Variants in MYT1L observed in about 807,000 individuals in gnomAD.
MYT1L encodes myelin transcription factor 1 like.
MYT1L carries 12 observed loss-of-function variants against 126.7 expected under a neutral mutation model. The observed-to-expected ratio is 0.09, with a 90% CI of 0.06 to 0.15. The LOEUF (loss-of-function observed/expected upper bound fraction) is 0.15. MYT1L is among the 10% of genes least tolerant of loss of function. The pLI is 1.00. For synonymous variants in MYT1L, 541 were observed against 604.2 expected, an observed-to-expected ratio of 0.90 and a Z score of 1.53; for missense variants, 979 against 1,585.2, an observed-to-expected ratio of 0.62 and a Z score of 6.49.
rs1415094147 is a variant in MYT1L at position 1,979,841 on chromosome 2, C to T, written c.1-64G>A. On this transcript the variant is annotated intron_variant, in intron 5 of 24. Coordinates refer to ENST00000647738, the MANE Select transcript of MYT1L (RefSeq NM_001303052.2). The surrounding 1 kb of genome is among the most constrained non-coding windows in gnomAD (Gnocchi z 4.0). ...CCTGTGCAGGCCAGCCCTGCAGGGG[C>T]GGCTCACTCTCCCTGGCATTCTATT... 2.2e-5 allele frequency: 34 copies of T among 1,549,798 alleles called. No homozygotes were observed. The highest frequency in any genetic ancestry group is 1.7e-4 in the Middle Eastern group (1 of 5,852).
rs1477790961 is a variant in MYT1L at position 2,185,634 on chromosome 2, C to G, written c.-420-12646G>C. 2.3e-3 allele frequency among the ~76,000 whole-genome samples: 256 copies of G among 113,338 alleles called. 5 individuals carry two copies. The highest frequency in any genetic ancestry group is 6.0e-3 in the Middle Eastern group (1 of 166). 74.4% of individuals were successfully genotyped at this position (113,338 alleles called of 152,430 possible). ...CGAGTCCCGCGTTCCTTCTGTGAGG[C>G]GGACGCAGCCGGGCCTCCCAGACGC... On this transcript the variant is annotated intron_variant, in intron 2 of 24. Transcript: ENST00000647738.
chr2:2,245,313 C>T (rs2149174275), intron 2 of MYT1L, among the ~76,000 whole-genome samples: 1 of 152,048 alleles, frequency 6.6e-6, no homozygotes, highest in South Asian at 2.1e-4. Context: ...GGTGCTGAGC[C>T]CTGTAGAGTC....
intron 3 of MYT1L, among the ~76,000 whole-genome samples, chr2:2,065,204 A>C (rs1308686000): frequency 6.6e-6 from 1 of 152,196 alleles, no homozygotes; most frequent in East Asian, 1.9e-4. Flanking sequence ...TTTCAAAAAA[A>C]GAAAACAAAC....
In MYT1L at chr2:1,943,192, T is replaced by C. The variant is rs922321269; in HGVS notation, c.295A>G (p.Met99Val). Residue 99 changes from methionine to valine, a missense_variant, in exon 9 of 25, where the codon ATG becomes GTG. Met to Val is a conservative substitution (Grantham distance 21, BLOSUM62 1). Transcript: ENST00000647738. The surrounding 1 kb of genome is among the most constrained non-coding windows in gnomAD (Gnocchi z 4.4). ...ECDDSDGTED[M>V]DEKEEDEGEE... ...CCCTCATCCTCCTCCTTCTCATCCA[T>C]GTCCTCAGTCCCATCACTGTCGTCA... 6 of 1,551,496 alleles carry C rather than the reference T, an allele frequency of 3.9e-6. No individual in the cohort carries two copies. The highest frequency in any genetic ancestry group is 2.4e-5 in the South Asian group (2 of 84,022).
At chr2:1,817,671 G>A (rs534122682) in intron 21 of MYT1L, among the ~76,000 whole-genome samples, 1 of 152,182 alleles carries the variant, frequency 6.6e-6, no homozygotes, top group African/African-American at 2.4e-5. Context: ...GGTGGTGGCG[G>A]CCCTGGTGCG....
intron 4 of MYT1L, among the ~76,000 whole-genome samples, chr2:2,013,771 A>T (rs1284060616): frequency 6.6e-6 from 1 of 152,244 alleles, no homozygotes; most frequent in Non-Finnish European, 1.5e-5. Context: ...GTGGGCTCCA[A>T]GAAGGGGGAC....
chr2:2,083,273 T>C (rs1470965006), intron 3 of MYT1L, among the ~76,000 whole-genome samples: 2 of 152,248 alleles, frequency 1.3e-5, no homozygotes, highest in African/African-American at 2.4e-5. Flanking sequence ...CACTCAGCTC[T>C]TGCCCTGGGT....
intron 2 of MYT1L, among the ~76,000 whole-genome samples, chr2:2,198,330 C>A (rs2092915939): frequency 6.6e-6 from 1 of 151,992 alleles, no homozygotes; most frequent in African/African-American, 2.4e-5. Flanking sequence ...GGCAAGAGGA[C>A]CGAGCTCTGG....
At chr2:2,191,595 G>A (rs918567120) in intron 2 of MYT1L, among the ~76,000 whole-genome samples, 4 of 152,180 alleles carry the variant, frequency 2.6e-5, no homozygotes, top group African/African-American at 9.7e-5. Context: ...ATGAGCCTGG[G>A]ACTGGTGTGC....
chr2:1,982,226 G>A (rs756347291), intron 5 of MYT1L, among the ~76,000 whole-genome samples: 1 of 152,166 alleles, frequency 6.6e-6, no homozygotes, highest in Admixed American at 6.6e-5. Flanking sequence ...TCACATCCAT[G>A]AGAAAGGGCA....
intron 3 of MYT1L, among the ~76,000 whole-genome samples, chr2:2,072,622 G>A (rs1460704483): frequency 3.3e-5 from 5 of 152,282 alleles, no homozygotes; most frequent in East Asian, 3.9e-4. Flanking sequence ...GTGTCCCCGC[G>A]CAAATCCGAT....
chr2:2,047,414 G>A (rs1030755113), intron 4 of MYT1L, among the ~76,000 whole-genome samples: 7 of 152,128 alleles, frequency 4.6e-5, no homozygotes, highest in East Asian at 1.9e-4. Context: ...ATACATCTGC[G>A]AATTGCTCCT....
chr2:1,910,460 G>T lies in MYT1L; in HGVS notation c.1710-113C>A. On this transcript the variant is annotated intron_variant, in intron 12 of 24. Coordinates refer to ENST00000647738, the MANE Select transcript of MYT1L (RefSeq NM_001303052.2). The surrounding 1 kb of genome is among the most constrained non-coding windows in gnomAD (Gnocchi z 4.8). ...AGGTGGAGCTGGTGAGGGAGGGGTA[G>T]TTTCCCAAACCTGGCACAGGCAGTC... 2 of 959,048 alleles carry T rather than the reference G, an allele frequency of 2.1e-6. No homozygotes were observed. Among genetic ancestry groups the T allele is most frequent in the Non-Finnish European group, 3.2e-6 (2 of 629,480 alleles). The allele number at this position is 959,048 out of a possible 1,614,324, so 59.4% of individuals were successfully genotyped here.
chr2:2,001,022 T>A (rs561990162), intron 4 of MYT1L, among the ~76,000 whole-genome samples: 1 of 152,316 alleles, frequency 6.6e-6, no homozygotes, highest in East Asian at 1.9e-4. Context: ...TTCTGGAGTT[T>A]GATGAGTTTG....
chr2:2,192,644 CTG>C (rs1488807375), intron 2 of MYT1L, among the ~76,000 whole-genome samples: 1 of 152,176 alleles, frequency 6.6e-6, no homozygotes, highest in Non-Finnish European at 1.5e-5. Context: ...TCTCTTCTTT[CTG>C]TCTCACCCAA....
At chr2:2,259,531 T>C (rs1347478966) in intron 2 of MYT1L, among the ~76,000 whole-genome samples, 1 of 152,208 alleles carries the variant, frequency 6.6e-6, no homozygotes, top group African/African-American at 2.4e-5. Flanking sequence ...ATATAGTTTT[T>C]ATTTGTCAAT....
chr2:2,123,938 C>T (rs1051250711), intron 3 of MYT1L, among the ~76,000 whole-genome samples: 8 of 152,188 alleles, frequency 5.3e-5, no homozygotes, highest in African/African-American at 1.9e-4. Flanking sequence ...CTGGGAAGTA[C>T]AGGGAACAGC....
chr2:2,039,424 T>C (rs930670254), intron 4 of MYT1L, among the ~76,000 whole-genome samples: 6 of 152,050 alleles, frequency 3.9e-5, no homozygotes, highest in Non-Finnish European at 7.4e-5. Context: ...AATCTACATA[T>C]GACCTTGATG....
rs2041560719 is a variant in MYT1L at position 1,840,853 on chromosome 2, A to G, written c.2775-10T>C. The G allele has an allele frequency of 6.5e-7, 1 of 1,541,850 alleles. No individual in the cohort carries two copies. Among genetic ancestry groups the G allele is most frequent in the South Asian group, 1.2e-5 (1 of 83,744 alleles). On this transcript the variant is annotated splice_polypyrimidine_tract_variant and intron_variant, in intron 19 of 24. Transcript: ENST00000647738. ...TGGGCAACCTGAAAGGCTAAATAAG[A>G]AACACATTTCAGAAAGCACCCCACA...
Sources: allele counts gnomAD v4.1 joint callset (sites outside exome capture counted in the v4.1 genomes callset), GRCh38; gene constraint gnomAD v4.1.1; non-coding constraint Gnocchi (gnomAD v3.1); transcripts MANE v1.5; gene names NCBI Gene and HGNC (gene_info 2026-07-23, HGNC 2026-07-21).